The following MSH5 variants were observed in gnomAD, a reference collection of about 807,000 sequenced individuals.
The protein encoded by MSH5 is mutS protein homolog 5.
Under a neutral mutation model 107.7 loss-of-function variants are expected in MSH5, and 78 were observed. That is an observed-to-expected ratio of 0.72 (90% confidence interval 0.60 to 0.87). MSH5 has a LOEUF of 0.87. Ranked by LOEUF, MSH5 falls within the 40% of genes least tolerant of loss-of-function variation. The probability of loss-of-function intolerance (pLI) is 0.00; values close to 1 mark genes in which losing one functional copy is unlikely to be tolerated. For missense variants in MSH5, 889 were observed against 1,046.6 expected (o/e 0.85, Z 2.08); for synonymous variants, 326 against 399.5 (o/e 0.82, Z 2.19).
chr6:31,758,304 G>C lies in MSH5; in HGVS notation c.1143+11G>C. The C allele has an allele frequency of 6.2e-7, 1 of 1,611,486 alleles. No individual in the cohort carries two copies. The highest frequency in any genetic ancestry group is 8.5e-7 in the Non-Finnish European group (1 of 1,179,328). On this transcript the variant is annotated intron_variant, in intron 13 of 24. Transcript: ENST00000375750. The surrounding 1 kb of genome is among the most constrained non-coding windows in gnomAD (Gnocchi z 5.1). The stretch of plus-strand genomic sequence containing the variant: ...CTCATTGGGAAAGTAGTGAGTAGAA[G>C]GAAAAAGGGAGTGCACCCAGGGAGG...
Position 31,760,696 on chromosome 6 carries a change from T to A in MSH5, c.1819T>A (p.Leu607Met). 1 of 1,613,032 alleles carries A rather than the reference T, an allele frequency of 6.2e-7. No homozygotes were observed. The highest frequency in any genetic ancestry group is 8.5e-7 in the Non-Finnish European group (1 of 1,180,050). Residue 607 changes from leucine to methionine, a missense_variant, in exon 20 of 25, where the codon TTG (leucine) becomes ATG (methionine). Leu to Met is a conservative substitution (Grantham distance 15, BLOSUM62 2). Coordinates refer to ENST00000375750, the MANE Select transcript of MSH5 (RefSeq NM_172166.4). This position sits in a 1 kb window ranked among gnomAD's most constrained non-coding sequence, Gnocchi z 5.6. ...TGTCTCCTTCCCTATTCAGGTAGGC[T>A]TGATCACATTCATGGCCCTGGTAGG... ...GKSIYLKQVG[L>M]ITFMALVGSF...
Position 31,758,231 on chromosome 6 carries a change from C to T in MSH5, c.1081C>T (p.Arg361Trp), listed in dbSNP as rs767522105. 1.2e-5 allele frequency: 19 copies of T among 1,612,914 alleles called. No homozygotes were observed. The highest frequency in any genetic ancestry group is 4.0e-5 in the African/African-American group (3 of 74,898). ...RSLPQSIQLF[R>W]DIAQEFSDDL... ...CCTGCCGCAGTCCATCCAGCTCTTT[C>T]GGGACATTGCCCAAGAGTTCTCTGA... The change falls in exon 13 of 25, where the codon CGG becomes TGG. Residue 361 changes from arginine to tryptophan, a missense_variant. Transcript: ENST00000375750. This position sits in a 1 kb window ranked among gnomAD's most constrained non-coding sequence, Gnocchi z 5.1.
At chr6:31,754,236 G>A (rs1810244131) in intron 12 of MSH5, among the ~76,000 whole-genome samples, 1 of 150,558 alleles carries the variant, frequency 6.6e-6, no homozygotes, top group African/African-American at 2.5e-5. Flanking sequence ...TGCAACCTCT[G>A]CCTCCCAAGT....
At chr6:31,755,126 T>C (rs966153271) in intron 12 of MSH5, among the ~76,000 whole-genome samples, 1 of 152,060 alleles carries the variant, frequency 6.6e-6, no homozygotes, top group African/African-American at 2.4e-5. Flanking sequence ...ACTTTAAAAA[T>C]TGTATTATTT....
chr6:31,757,714 G>A (rs539494504), intron 12 of MSH5: 8 of 176,564 alleles, frequency 4.5e-5, no homozygotes, highest in Middle Eastern at 2.4e-3. Context: ...TCGCTCTGTC[G>A]GCCAGGCTGG....
chr6:31,754,132 C>T lies in MSH5; in HGVS notation c.1014+503C>T, dbSNP rs117674365. 6.9e-3 allele frequency: 1,016 copies of T among 147,030 alleles called. 7 individuals carry two copies. Among genetic ancestry groups the T allele is most frequent in the Middle Eastern group, 0.024 (7 of 286 alleles). The allele number at this position is 147,030 out of a possible 1,614,324, so 9.1% of individuals were successfully genotyped here. On this transcript the variant is annotated intron_variant, in intron 12 of 24. Coordinates refer to ENST00000375750, the MANE Select transcript of MSH5 (RefSeq NM_172166.4). ...CATGCAGTTTCAACACTTTAACTTA[C>T]GCCAATTTTTTTTTATTTCTTTTTC... is the stretch of plus-strand genomic sequence containing the variant.
Position 31,753,332 on chromosome 6 carries a change from G to C in MSH5, c.844G>C (p.Gly282Arg), listed in dbSNP as rs1200625278. 6.2e-7 allele frequency: 1 copy of C among 1,613,870 alleles called. No homozygotes were observed. Among genetic ancestry groups the C allele is most frequent in the African/African-American group, 1.3e-5 (1 of 74,922 alleles). Reference sequence around the variant, plus strand: ...GTTCACACGTCCGACTCATGACCTGGGGGAGCTCAGTTCTCGTCTGGACGT... The same window carrying C: ...GTTCACACGTCCGACTCATGACCTGCGGGAGCTCAGTTCTCGTCTGGACGT... ...LWFTRPTHDL[G>R]ELSSRLDVIQ... The change falls in exon 11 of 25, where the codon GGG (glycine) becomes CGG (arginine). Residue 282 changes from glycine (G) to arginine (R), a missense_variant. By Grantham distance (125) the Gly-to-Arg change is moderately radical. Transcript: ENST00000375750.
At chr6:31,747,109 G>A (rs1049439767) in intron 9 of MSH5, among the ~76,000 whole-genome samples, 8 of 152,166 alleles carry the variant, frequency 5.3e-5, no homozygotes, top group East Asian at 1.9e-4. Context: ...GTGAGCCACC[G>A]TGCCTGGCCA....
intron 9 of MSH5, among the ~76,000 whole-genome samples, chr6:31,746,663 C>A (rs983827308): frequency 2.0e-5 from 3 of 151,882 alleles, no homozygotes; most frequent in Non-Finnish European, 2.9e-5. Context: ...GTTGCCCAGG[C>A]TGGTCTCAAA....
chr6:31,748,277 G>A (rs1343122814), intron 10 of MSH5, among the ~76,000 whole-genome samples: 1 of 150,696 alleles, frequency 6.6e-6, no homozygotes, highest in Non-Finnish European at 1.5e-5. Flanking sequence ...CTCAAGCCAT[G>A]AACCTTGGAT....
chr6:31,761,329 A>G lies in MSH5; in HGVS notation c.2037+67A>G, dbSNP rs1050966402. The G allele has an allele frequency of 6.8e-6, 11 of 1,606,170 alleles. No individual in the cohort carries two copies. In the Admixed American group the frequency reaches 1.0e-4, roughly 15 times the overall value. On this transcript the variant is annotated intron_variant, in intron 21 of 24. Transcript: ENST00000375750. The surrounding 1 kb of genome is among the most constrained non-coding windows in gnomAD (Gnocchi z 5.3). ...AAATGGAGGAGGATGAAGGAGCATG[A>G]CAGTGAGGCTGGGCCTCTGGAATGG... is the stretch of plus-strand genomic sequence containing the variant.
intron 5 of MSH5, 138 bp from the exon 6 acceptor site, chr6:31,743,766 T>TG: frequency 1.6e-6 from 2 of 1,276,986 alleles, no homozygotes; most frequent in Middle Eastern, 2.7e-4. Flanking sequence ...ATTTGGTTCT[T>TG]GCTCTAGCTT....
chr6:31,743,867 T>C, intron 5 of MSH5, 37 bp from the exon 6 acceptor site: 1 of 1,608,170 alleles, frequency 6.2e-7, no homozygotes, highest in Non-Finnish European at 8.5e-7. Flanking sequence ...AAAATTGAGC[T>C]ACAAGACCGT....
chr6:31,759,304 C>A lies in MSH5; in HGVS notation c.1408-121C>A. 7.2e-7 allele frequency: 1 copy of A among 1,387,892 alleles called. No individual in the cohort carries two copies. Among genetic ancestry groups the A allele is most frequent in the Non-Finnish European group, 1.0e-6 (1 of 977,778 alleles). 86.0% of individuals were successfully genotyped at this position (1,387,892 alleles called of 1,614,324 possible). On this transcript the variant is annotated intron_variant, in intron 16 of 24. Coordinates refer to ENST00000375750, the MANE Select transcript of MSH5 (RefSeq NM_172166.4). This position sits in a 1 kb window ranked among gnomAD's most constrained non-coding sequence, Gnocchi z 4.7. ...CTCTGTAGTTTTACTCTGAGCTTTA[C>A]CAGCACTGAGACAAAGGAAAGAGAA...
intron 9 of MSH5, among the ~76,000 whole-genome samples, 180 bp from the exon 10 acceptor site, chr6:31,747,207 C>T (rs898388183): frequency 2.6e-5 from 4 of 152,190 alleles, no homozygotes; most frequent in African/African-American, 4.8e-5. Context: ...TCTCCATGTA[C>T]GGTAATCCCA....
rs1309256382 is a variant in MSH5 at position 31,761,164 on chromosome 6, C to T, written c.1963-24C>T. ...TTACGGGCTTCCAATACTAACTTTC[C>T]CTTGTCCACCTTATACCCAGCAGGT... On this transcript the variant is annotated intron_variant, in intron 20 of 24. Transcript: ENST00000375750. The surrounding 1 kb of genome is among the most constrained non-coding windows in gnomAD (Gnocchi z 5.3). 3 of 1,611,060 alleles carry T rather than the reference C, an allele frequency of 1.9e-6. No individual in the cohort carries two copies. The African/African-American group carries it at 4.0e-5, about 21-fold the overall frequency.
Position 31,761,681 on chromosome 6 carries a change from C to T in MSH5, c.2181+66C>T, listed in dbSNP as rs942532767. 4 of 1,613,096 alleles carry T rather than the reference C, an allele frequency of 2.5e-6. No homozygotes were observed. Among genetic ancestry groups the T allele is most frequent in the Non-Finnish European group, 2.5e-6 (3 of 1,179,676 alleles). On this transcript the variant is annotated intron_variant, in intron 22 of 24. Transcript: ENST00000375750. The surrounding 1 kb of genome is among the most constrained non-coding windows in gnomAD (Gnocchi z 5.3). ...GGCATTTCCCAGAGGTGGGGATTGG[C>T]TCCTCTATCAGAACAAGGGCTCCCT...
At chr6:31,747,710 AAC>A (rs1809588023) in intron 10 of MSH5, among the ~76,000 whole-genome samples, 1 of 152,124 alleles carries the variant, frequency 6.6e-6, no homozygotes, top group Non-Finnish European at 1.5e-5. Flanking sequence ...AGCAGGAAAA[AAC>A]ACAAAATGTA....
chr6:31,741,013 AC>A, intron 2 of MSH5, 149 bp from the exon 3 acceptor site: 1 of 966,910 alleles, frequency 1.0e-6, no homozygotes, highest in South Asian at 1.7e-5. Context: ...CAAGTCTCTT[AC>A]CTCCTGAGTG....
Sources: allele counts gnomAD v4.1 joint callset (sites outside exome capture counted in the v4.1 genomes callset), GRCh38; gene constraint gnomAD v4.1.1; non-coding constraint Gnocchi (gnomAD v3.1); transcripts MANE v1.5; gene names NCBI Gene and HGNC (gene_info 2026-07-23, HGNC 2026-07-21).